GAS7: variants seen among roughly 807,000 people sequenced by gnomAD.
The protein encoded by GAS7 is growth arrest-specific protein 7.
In GAS7, 28 loss-of-function variants were observed where a neutral mutation model predicts 71.1. The observed-to-expected ratio is 0.39, with a 90% CI of 0.29 to 0.54. GAS7 has a LOEUF of 0.54. Among genes scored for constraint, GAS7 ranks in the 20% least tolerant of loss-of-function variants. The pLI is 0.62. For missense variants in GAS7, 436 were observed against 627.8 expected (o/e 0.69, Z 3.27); for synonymous variants, 258 against 245.8 (o/e 1.05, Z -0.46).
rs2070417111 is a variant in GAS7, at chr17:9,981,729, C to A, written c.385+75G>T. The A allele has an allele frequency of 1.1e-6, 1 of 878,080 alleles. No homozygotes were observed. The highest frequency in any genetic ancestry group is 1.9e-6 in the Non-Finnish European group (1 of 515,574). The allele number at this position is 878,080 out of a possible 1,614,324, so 54.4% of individuals were successfully genotyped here. A position where few individuals can be genotyped will look rare whatever the true frequency, so the allele number is the denominator to read the frequency against. ...ATCAGCCAGGTTTAAGACCCAGGAC[C>A]CATCATCTCAGCCTCTCCACTGAAT... On this transcript the variant is annotated intron_variant, in intron 3 of 13. Transcript: ENST00000432992. This position sits in a 1 kb window ranked among gnomAD's most constrained non-coding sequence, Gnocchi z 4.4.
intron 3 of GAS7, among the ~76,000 whole-genome samples, chr17:9,970,570 T>C (rs1487875400): frequency 6.6e-6 from 1 of 152,092 alleles, no homozygotes; most frequent in Non-Finnish European, 1.5e-5. Context: ...AGGCAGAGGT[T>C]GCAGTGAGCT....
At chr17:10,157,713 C>T (rs555870633) in intron 1 of GAS7, among the ~76,000 whole-genome samples, 2 of 152,300 alleles carry the variant, frequency 1.3e-5, no homozygotes, top group African/African-American at 4.8e-5. Context: ...TTGGTCCTCC[C>T]GTCAGTCAAC....
intron 1 of GAS7, among the ~76,000 whole-genome samples, chr17:10,148,944 G>T (rs1194402664): frequency 6.8e-6 from 1 of 147,640 alleles, no homozygotes; most frequent in Admixed American, 6.8e-5. Context: ...CTCTTGAACA[G>T]AACGGTATCA....
At chr17:10,050,473 C>T (rs2073047652) in intron 1 of GAS7, among the ~76,000 whole-genome samples, 1 of 152,118 alleles carries the variant, frequency 6.6e-6, no homozygotes, top group South Asian at 2.1e-4. Context: ...CACACAGAGC[C>T]CTCTCCTTGC....
At chr17:10,068,931 C>T (rs1399610517) in intron 1 of GAS7, among the ~76,000 whole-genome samples, 1 of 152,156 alleles carries the variant, frequency 6.6e-6, no homozygotes, top group African/African-American at 2.4e-5. Context: ...GTCCTGGTAG[C>T]ATGTGTAAAA....
intron 3 of GAS7, among the ~76,000 whole-genome samples, chr17:9,979,060 G>C (rs1197171023): frequency 6.6e-6 from 1 of 152,138 alleles, no homozygotes; most frequent in Non-Finnish European, 1.5e-5. Context: ...AATGTCCCCT[G>C]GTAGGCAAAA....
intron 1 of GAS7, among the ~76,000 whole-genome samples, chr17:10,054,704 C>T (rs938165249): frequency 5.3e-5 from 8 of 152,196 alleles, no homozygotes; most frequent in East Asian, 1.9e-4. Flanking sequence ...CCAATCAGCA[C>T]GTCTGCTCCA....
chr17:10,011,775 G>A (rs768402409), intron 2 of GAS7, among the ~76,000 whole-genome samples: 14 of 152,080 alleles, frequency 9.2e-5, no homozygotes, highest in Non-Finnish European at 1.5e-4. Flanking sequence ...TCGGAAGTTC[G>A]AGACCAGCCT....
At chr17:10,105,116 G>A (rs980069155) in intron 1 of GAS7, among the ~76,000 whole-genome samples, 3 of 152,080 alleles carry the variant, frequency 2.0e-5, no homozygotes, top group Non-Finnish European at 2.9e-5. Context: ...GGCCACATAC[G>A]GCTATTTAAA....
At position 10,036,759 on chromosome 17, in the gene GAS7, T is replaced by C. The variant is rs2072761962; in HGVS notation, c.184-16862A>G. ...GATGCAATGTTTCTGGAGGCCTTTC[T>C]TTTTTTCCCACTCTCCCTCTTTTTC... On this transcript the variant is annotated intron_variant, in intron 1 of 13. Transcript: ENST00000432992. 5.0e-6 allele frequency: 6 copies of C among 1,195,614 alleles called. No individual in the cohort carries two copies. The South Asian group carries it at 1.9e-4, about 37-fold the overall frequency. The allele number at this position is 1,195,614 out of a possible 1,614,324, so 74.1% of individuals were successfully genotyped here.
intron 1 of GAS7, among the ~76,000 whole-genome samples, chr17:10,182,453 C>T (rs966561660): frequency 2.0e-4 from 30 of 152,230 alleles, no homozygotes; most frequent in Admixed American, 8.5e-4. Context: ...AGGCACCGCA[C>T]CCGGCCTTAT....
At chr17:10,005,962 A>G (rs893326735) in intron 2 of GAS7, among the ~76,000 whole-genome samples, 3 of 152,206 alleles carry the variant, frequency 2.0e-5, no homozygotes, top group Non-Finnish European at 2.9e-5. Flanking sequence ...TTTGGCCTGT[A>G]ATTAACGAGT....
At chr17:10,012,929 C>T (rs184745535) in intron 2 of GAS7, among the ~76,000 whole-genome samples, 4 of 151,816 alleles carry the variant, frequency 2.6e-5, no homozygotes, top group African/African-American at 7.2e-5. Context: ...TGTGAAACCC[C>T]GTCTCTACTA....
intron 1 of GAS7, among the ~76,000 whole-genome samples, chr17:10,115,400 G>A (rs2073851981): frequency 6.6e-6 from 1 of 152,156 alleles, no homozygotes; most frequent in Non-Finnish European, 1.5e-5. Flanking sequence ...AAGGAGGGTG[G>A]GGGGCAAAGT....
intron 1 of GAS7, among the ~76,000 whole-genome samples, chr17:10,151,955 G>C (rs773105949): frequency 2.0e-5 from 3 of 152,214 alleles, no homozygotes; most frequent in Non-Finnish European, 2.9e-5. Flanking sequence ...GGAAGGAAAA[G>C]AGAGCCAGGA....
chr17:10,108,201 T>G (rs138827074), intron 1 of GAS7, among the ~76,000 whole-genome samples: 1,612 of 152,304 alleles, frequency 0.011, 13 homozygotes, highest in Non-Finnish European at 0.014. Context: ...TTATAGAGCA[T>G]TTTTGCTTTG....
chr17:10,136,942 C>T lies in GAS7; in HGVS notation c.183+61266G>A, dbSNP rs546446087. On this transcript the variant is annotated intron_variant, in intron 1 of 13. Transcript: ENST00000432992. ...TTCAAGACCAGCATGGGAAAGATGG[C>T]GAAACCCCGTCTCTACAAAAAATTA... is the stretch of plus-strand genomic sequence containing the variant. Among the ~76,000 whole-genome samples the T allele has an allele frequency of 9.9e-5, 15 of 152,096 alleles. No homozygotes were observed. In the South Asian group the frequency reaches 1.9e-3, roughly 19 times the overall value.
intron 1 of GAS7, among the ~76,000 whole-genome samples, chr17:10,153,252 A>C (rs2074180971): frequency 8.0e-6 from 1 of 124,582 alleles, no homozygotes; most frequent in African/African-American, 3.1e-5. Context: ...CTGTAATCCC[A>C]GCACTTTGGG....
At chr17:10,077,707 T>C (rs1283503644) in intron 1 of GAS7, among the ~76,000 whole-genome samples, 1 of 152,296 alleles carries the variant, frequency 6.6e-6, no homozygotes, top group Non-Finnish European at 1.5e-5. Context: ...TAACAAGCCA[T>C]AATGAAAACA....
Sources: allele counts gnomAD v4.1 joint callset (sites outside exome capture counted in the v4.1 genomes callset), GRCh38; gene constraint gnomAD v4.1.1; non-coding constraint Gnocchi (gnomAD v3.1); transcripts MANE v1.5; gene names NCBI Gene and HGNC (gene_info 2026-07-23, HGNC 2026-07-21).